The following VPS53 variants were observed in gnomAD, a reference collection of about 807,000 sequenced individuals.
The protein encoded by VPS53 is VPS53 subunit of GARP complex, also known as vacuolar protein sorting-associated protein 53 homolog.
Under a neutral mutation model 107.0 loss-of-function variants are expected in VPS53, and 70 were observed. The observed-to-expected ratio is 0.65, with a 90% CI of 0.54 to 0.80. The LOEUF is 0.80. Among genes scored for constraint, VPS53 ranks in the 30% least tolerant of loss-of-function variants. The pLI, the probability that VPS53 is intolerant of heterozygous loss-of-function variation, is 0.00. For missense variants in VPS53, 917 were observed against 1,049.4 expected (o/e 0.87, Z 1.74); for synonymous variants, 409 against 393.3 (o/e 1.04, Z -0.47).
At chr17:617,054 G>A (rs1486285298) in intron 11 of VPS53, among the ~76,000 whole-genome samples, 1 of 152,190 alleles carries the variant, frequency 6.6e-6, no homozygotes, top group Non-Finnish European at 1.5e-5. Context: ...TGTCATTCAA[G>A]CATCCTTCAC....
intron 12 of VPS53, among the ~76,000 whole-genome samples, chr17:588,737 A>G (rs1967468012): frequency 6.6e-6 from 1 of 152,186 alleles, no homozygotes. Context: ...TGAGCCCACA[A>G]CCACACAAGC....
chr17:662,506 G>A (rs142290374), intron 4 of VPS53, among the ~76,000 whole-genome samples: 12,632 of 151,882 alleles, frequency 0.083, 648 homozygotes, highest in East Asian at 0.12. Context: ...TGGCTAACAC[G>A]GTGAAACCCC....
At chr17:666,648 G>A (rs1327209149) in intron 4 of VPS53, among the ~76,000 whole-genome samples, 2 of 150,788 alleles carry the variant, frequency 1.3e-5, no homozygotes, top group Non-Finnish European at 3.0e-5. Flanking sequence ...TGGGCAACAA[G>A]AGCAAAACTC....
intron 15 of VPS53, among the ~76,000 whole-genome samples, chr17:557,590 C>G (rs1026982602): frequency 6.6e-6 from 1 of 152,070 alleles, no homozygotes; most frequent in Non-Finnish European, 1.5e-5. Flanking sequence ...TGCCCTTGAC[C>G]TGGAATTAGT....
intron 12 of VPS53, among the ~76,000 whole-genome samples, chr17:587,611 A>G (rs1967385545): frequency 6.6e-6 from 1 of 152,204 alleles, no homozygotes. Flanking sequence ...AAGTATTTTA[A>G]AACAATATTT....
chr17:536,947 C>T (rs528778989), intron 18 of VPS53, 81 bp downstream of exon 18: 5 of 1,543,502 alleles, frequency 3.2e-6, no homozygotes, highest in African/African-American at 2.7e-5. Context: ...CTTAATTTGG[C>T]TGTGAACCTG....
intron 13 of VPS53, among the ~76,000 whole-genome samples, chr17:567,501 T>C (rs1288497355): frequency 9.0e-6 from 1 of 110,546 alleles, no homozygotes; most frequent in Non-Finnish European, 1.8e-5. Flanking sequence ...TCTGATCACA[T>C]TTCTTTTTTT....
chr17:654,265 T>C (rs530171287), intron 6 of VPS53, among the ~76,000 whole-genome samples: 9 of 152,256 alleles, frequency 5.9e-5, no homozygotes, highest in South Asian at 2.1e-4. Context: ...TTCTAAGGCG[T>C]CTGTATCACA....
intron 7 of VPS53, among the ~76,000 whole-genome samples, chr17:650,664 T>A (rs1159784079): frequency 1.3e-5 from 2 of 152,206 alleles, no homozygotes; most frequent in Non-Finnish European, 2.9e-5. Flanking sequence ...TACAAGTATA[T>A]AAAGCTTTGC....
intron 6 of VPS53, 100 bp downstream of exon 6, chr17:655,738 G>A: frequency 9.0e-7 from 1 of 1,115,224 alleles, no homozygotes; most frequent in African/African-American, 1.6e-5. Context: ...GGGGCAGGAT[G>A]GTGAGACTTT....
chr17:615,152 C>T (rs1363536053), intron 11 of VPS53, among the ~76,000 whole-genome samples: 3 of 152,174 alleles, frequency 2.0e-5, no homozygotes, highest in Non-Finnish European at 4.4e-5. Flanking sequence ...TTTATAGACT[C>T]TCTTGAATTC....
chr17:561,840 G>A (rs1177154678), intron 14 of VPS53, among the ~76,000 whole-genome samples: 1 of 152,172 alleles, frequency 6.6e-6, no homozygotes, highest in African/African-American at 2.4e-5. Context: ...ATATTAGCCA[G>A]GCTGGTCTCA....
chr17:583,841 C>A (rs757528403), intron 13 of VPS53, among the ~76,000 whole-genome samples: 4 of 149,498 alleles, frequency 2.7e-5, no homozygotes, highest in Non-Finnish European at 4.4e-5. Flanking sequence ...AACCTCAATG[C>A]GTTCCCAGAG....
Position 537,468 on chromosome 17 carries a change from G to A in VPS53, c.1867-292C>T, listed in dbSNP as rs35320312. 0.064 allele frequency: 19,272 copies of A among 301,490 alleles called. 856 individuals are homozygous for A. Among genetic ancestry groups the A allele is most frequent in the Non-Finnish European group, 0.088 (13,907 of 158,572 alleles). 18.7% of individuals were successfully genotyped at this position (301,490 alleles called of 1,614,324 possible). ...CCCTTCTCAGCTAAGCTACCCACTCGTAAAGGATCCTGTTCTCCTGCCGAG... is the reference window on the plus strand; with the variant it reads ...CCCTTCTCAGCTAAGCTACCCACTCATAAAGGATCCTGTTCTCCTGCCGAG... On this transcript the variant is annotated intron_variant, in intron 17 of 21. Transcript: ENST00000437048.
intron 13 of VPS53, among the ~76,000 whole-genome samples, chr17:569,588 C>A (rs1001500707): frequency 6.6e-6 from 1 of 152,010 alleles, no homozygotes; most frequent in African/African-American, 2.4e-5. Flanking sequence ...AAGTAGAATG[C>A]CAACTGATAA....
At chr17:701,861 G>C (rs1973214822) in intron 2 of VPS53, among the ~76,000 whole-genome samples, 1 of 152,036 alleles carries the variant, frequency 6.6e-6, no homozygotes, top group South Asian at 2.1e-4. Flanking sequence ...TGAGTGGCTA[G>C]GAACAAAAAG....
intron 13 of VPS53, among the ~76,000 whole-genome samples, chr17:573,955 C>G (rs1914396160): frequency 6.6e-6 from 1 of 152,164 alleles, no homozygotes; most frequent in Non-Finnish European, 1.5e-5. Flanking sequence ...TCCTAGAACT[C>G]CTTGAAATTA....
At chr17:561,787 A>G (rs2151851852) in intron 14 of VPS53, among the ~76,000 whole-genome samples, 1 of 152,000 alleles carries the variant, frequency 6.6e-6, no homozygotes, top group South Asian at 2.1e-4. Context: ...GCACCACCAC[A>G]CCCAGCTGAT....
intron 12 of VPS53, among the ~76,000 whole-genome samples, chr17:591,227 C>T (rs942306631): frequency 6.6e-6 from 1 of 151,918 alleles, no homozygotes; most frequent in Admixed American, 6.6e-5. Flanking sequence ...TGGTGATATC[C>T]CCTTTGTCAT....
Sources: gnomAD v4.1 joint callset for allele counts (sites outside exome capture counted in the v4.1 genomes callset) on GRCh38, gnomAD v4.1.1 for gene constraint, MANE v1.5 for transcripts, NCBI Gene and HGNC (gene_info 2026-07-23, HGNC 2026-07-21) for gene names.